The following TUBGCP4 variants were observed in gnomAD, a reference collection of about 807,000 sequenced individuals.
The protein encoded by TUBGCP4 is tubulin gamma complex component 4.
Under a neutral mutation model 91.6 loss-of-function variants are expected in TUBGCP4, and 54 were observed. The observed-to-expected ratio is 0.59, with a 90% CI of 0.47 to 0.74. The LOEUF (loss-of-function observed/expected upper bound fraction) is 0.74. TUBGCP4 is among the 30% of genes least tolerant of loss of function. The pLI, the probability that TUBGCP4 is intolerant of heterozygous loss-of-function variation, is 0.00. For missense variants in TUBGCP4, 593 were observed against 800.9 expected (o/e 0.74, Z 3.13); for synonymous variants, 297 against 302.8 (o/e 0.98, Z 0.20).
intron 6 of TUBGCP4, among the ~76,000 whole-genome samples, chr15:43,381,472 C>T (rs1189712706): frequency 1.3e-5 from 2 of 152,064 alleles, no homozygotes; most frequent in Non-Finnish European, 2.9e-5. Flanking sequence ...CTCGGTGGCT[C>T]ACGCTTGTAA....
chr15:43,382,740 C>T (rs778992765), intron 6 of TUBGCP4, among the ~76,000 whole-genome samples: 16 of 152,206 alleles, frequency 1.1e-4, no homozygotes, highest in Non-Finnish European at 2.1e-4. Context: ...GTACATTTTC[C>T]CCTTTTTAAT....
rs1421248392 is a variant in TUBGCP4, at chr15:43,407,872, C to T, written c.*2658C>T. 1.4e-6 allele frequency: 2 copies of T among 1,462,160 alleles called. No homozygotes were observed. Among genetic ancestry groups the T allele is most frequent in the African/African-American group, 2.8e-5 (2 of 71,160 alleles). 90.6% of individuals were successfully genotyped at this position (1,462,160 alleles called of 1,614,324 possible). On this transcript the variant is annotated 3_prime_UTR_variant, in exon 18 of 18. Transcript: ENST00000564079. ...AACCTATTAGGCCTGAGCCTTGGAC[C>T]ACAAGGCCTAACACCTACAGGTCTA...
At position 43,409,103 on chromosome 15, in the gene TUBGCP4, G is replaced by A; in HGVS notation, c.*3889G>A. 6.2e-7 allele frequency: 1 copy of A among 1,614,012 alleles called. No individual in the cohort carries two copies. The highest frequency in any genetic ancestry group is 8.5e-7 in the Non-Finnish European group (1 of 1,179,912). ...ACTGGTAAGCTGTGTTACACTGCAA[G>A]AAAAGAAGCAGAGCCAATGGGTTTG... is the stretch of plus-strand genomic sequence containing the variant. On this transcript the variant is annotated 3_prime_UTR_variant, in exon 18 of 18. Transcript: ENST00000564079.
Position 43,404,538 on chromosome 15 carries a change from T to A in TUBGCP4, c.1974T>A (p.Gly658=), listed in dbSNP as rs2142902208. 6.2e-7 allele frequency: 1 copy of A among 1,614,124 alleles called. No individual in the cohort carries two copies. The highest frequency in any genetic ancestry group is 1.3e-5 in the African/African-American group (1 of 75,044). Residue 658 remains glycine, a synonymous_variant, in exon 17 of 18, where the codon GGT becomes GGA. Transcript: ENST00000564079. ...ATAACAAATACTATACCCAGGCTGGTGGAACTCTGGGCAGGTAGGAGCAAC... is the reference window on the plus strand; with the variant it reads ...ATAACAAATACTATACCCAGGCTGGAGGAACTCTGGGCAGGTAGGAGCAAC... ...LDYNKYYTQA[G]GTLGSFGM is the part of the protein sequence containing the mutation.
rs1297466719 is a variant in TUBGCP4 at position 43,372,513 on chromosome 15, C to G, written c.78+1081C>G. Among the ~76,000 whole-genome samples the G allele has an allele frequency of 6.0e-5, 9 of 149,852 alleles. No homozygotes were observed. The East Asian group carries it at 1.4e-3, about 23-fold the overall frequency. ...ACTAATTCGATGTTTCACTTTTCTC[C>G]ATAGATCTTAGTACAATGCCAGGCA... On this transcript the variant is annotated intron_variant, in intron 1 of 17. Coordinates refer to ENST00000564079, the MANE Select transcript of TUBGCP4 (RefSeq NM_014444.5).
chr15:43,377,200 TA>T, intron 4 of TUBGCP4, 133 bp downstream of exon 4: 1 of 740,330 alleles, frequency 1.4e-6, no homozygotes. Context: ...GTGCATTTTG[TA>T]TGTTTTACTA....
intron 13 of TUBGCP4, among the ~76,000 whole-genome samples, chr15:43,399,533 A>G (rs1044730626): frequency 3.9e-5 from 6 of 152,092 alleles, no homozygotes; most frequent in Non-Finnish European, 7.4e-5. Flanking sequence ...TTTAGTAGAG[A>G]TGGCATCTCA....
intron 11 of TUBGCP4, 105 bp from the exon 12 acceptor site, chr15:43,397,109 C>T: frequency 2.5e-6 from 2 of 793,730 alleles, no homozygotes; most frequent in South Asian, 1.4e-5. Flanking sequence ...CCACTGTGTC[C>T]TGCTGTTAGC....
Position 43,407,650 on chromosome 15 carries a change from C to A in TUBGCP4, c.*2436C>A, listed in dbSNP as rs2044953103. ...TTAGAAAGAGAGATTTGATTCTAAC[C>A]AATACATCCCACTCTGCACAAACCA... On this transcript the variant is annotated 3_prime_UTR_variant, in exon 18 of 18. Transcript: ENST00000564079. The A allele has an allele frequency of 7.5e-7, 1 of 1,337,886 alleles. No individual in the cohort carries two copies. Among genetic ancestry groups the A allele is most frequent in the Non-Finnish European group, 1.0e-6 (1 of 972,262 alleles). The allele number at this position is 1,337,886 out of a possible 1,614,324, so 82.9% of individuals were successfully genotyped here.
chr15:43,393,402 G>A (rs2044514749), intron 9 of TUBGCP4, among the ~76,000 whole-genome samples: 1 of 150,778 alleles, frequency 6.6e-6, no homozygotes, highest in African/African-American at 2.4e-5. Flanking sequence ...GTAGAGATGG[G>A]GTTTCACCAT....
rs571950291 is a variant in TUBGCP4, at chr15:43,398,086, G to A, written c.1325G>A (p.Arg442Gln). 3.4e-5 allele frequency: 55 copies of A among 1,613,930 alleles called. No homozygotes were observed. The highest frequency in any genetic ancestry group is 1.2e-4 in the African/African-American group (9 of 75,006). ...REGPSRETSP[R>Q]EAPASGWAAL... is the part of the protein sequence containing the mutation. ...GGGCCTTCTCGGGAAACTTCTCCCC[G>A]GGAAGCCCCTGCATCTGGCTGGGCA... The change falls in exon 13 of 18, where the codon CGG becomes CAG. Residue 442 changes from arginine (R) to glutamine (Q), a missense_variant. Coordinates refer to ENST00000564079, the MANE Select transcript of TUBGCP4 (RefSeq NM_014444.5).
intron 1 of TUBGCP4, among the ~76,000 whole-genome samples, chr15:43,372,109 A>G (rs951155555): frequency 6.6e-6 from 1 of 152,180 alleles, no homozygotes; most frequent in Non-Finnish European, 1.5e-5. Context: ...TCAGTATTTG[A>G]ACTACTTTTA....
rs1347380659 is a variant in TUBGCP4, at chr15:43,408,337, T to C, written c.*3123T>C. On this transcript the variant is annotated 3_prime_UTR_variant, in exon 18 of 18. Coordinates refer to ENST00000564079, the MANE Select transcript of TUBGCP4 (RefSeq NM_014444.5). ...TACAAAAGACAACAAAAAAATTAGCTGGGTGTGGTGGCGAGTGCCTGTAGT... is the reference window on the plus strand; with the variant it reads ...TACAAAAGACAACAAAAAAATTAGCCGGGTGTGGTGGCGAGTGCCTGTAGT... 2.6e-6 allele frequency: 1 copy of C among 378,190 alleles called. No individual in the cohort carries two copies. Among genetic ancestry groups the C allele is most frequent in the African/African-American group, 2.1e-5 (1 of 47,930 alleles). 23.4% of individuals were successfully genotyped at this position (378,190 alleles called of 1,614,324 possible). A position where few individuals can be genotyped will look rare whatever the true frequency, so the allele number is the denominator to read the frequency against.
At chr15:43,378,414 G>A (rs1021644140) in intron 5 of TUBGCP4, among the ~76,000 whole-genome samples, 5 of 152,170 alleles carry the variant, frequency 3.3e-5, no homozygotes, top group Non-Finnish European at 7.3e-5. Context: ...TAAGTCTGAG[G>A]AATAAATGCT....
chr15:43,392,886 T>G (rs2044501328), intron 9 of TUBGCP4, among the ~76,000 whole-genome samples: 2 of 152,194 alleles, frequency 1.3e-5, no homozygotes, highest in Non-Finnish European at 2.9e-5. Context: ...TGATACACTC[T>G]TCCATCCTTT....
At chr15:43,390,161 C>A (rs1183869888) in intron 9 of TUBGCP4, among the ~76,000 whole-genome samples, 1 of 152,006 alleles carries the variant, frequency 6.6e-6, no homozygotes, top group Non-Finnish European at 1.5e-5. Flanking sequence ...AATAAAGATT[C>A]TACAGTCCTC....
chr15:43,384,881 TA>T (rs2044332262), intron 7 of TUBGCP4, among the ~76,000 whole-genome samples: 1 of 151,806 alleles, frequency 6.6e-6, no homozygotes, highest in South Asian at 2.1e-4. Context: ...TAGGTGAAAA[TA>T]ATAGTCCCCT....
chr15:43,379,124 G>A (rs1259410182), intron 5 of TUBGCP4, among the ~76,000 whole-genome samples: 1 of 152,172 alleles, frequency 6.6e-6, no homozygotes, highest in East Asian at 1.9e-4. Context: ...AGTGTACCAA[G>A]GCTCTTCAGA....
chr15:43,387,589 G>A lies in TUBGCP4; in HGVS notation c.1014+1259G>A, dbSNP rs567873230. Among the ~76,000 whole-genome samples, 8 of 152,116 alleles carry A rather than the reference G, an allele frequency of 5.3e-5. 1 individual carries two copies. In the South Asian group the frequency reaches 1.7e-3, roughly 32 times the overall value. ...CGATTCTCCCGCCTCAGCCTCCCAA[G>A]TAGCTGGGATTACAGGCACACATCA... On this transcript the variant is annotated intron_variant, in intron 9 of 17. Transcript: ENST00000564079.
Sources: allele counts gnomAD v4.1 joint callset (sites outside exome capture counted in the v4.1 genomes callset), GRCh38; gene constraint gnomAD v4.1.1; transcripts MANE v1.5; gene names NCBI Gene and HGNC (gene_info 2026-07-23, HGNC 2026-07-21).